The following FZD6 variants were observed in gnomAD, a reference collection of about 807,000 sequenced individuals.
FZD6 encodes the protein frizzled class receptor 6, also known as frizzled-6.
Under a neutral mutation model 61.4 loss-of-function variants are expected in FZD6, and 49 were observed. The ratio of observed to expected loss-of-function variants is 0.80; its 90% CI spans 0.63 to 1.01. The LOEUF is 1.01. Ranked by LOEUF, FZD6 falls within the 50% of genes least tolerant of loss-of-function variation. The pLI, the probability that FZD6 is intolerant of heterozygous loss-of-function variation, is 0.00. For synonymous variants in FZD6, 265 were observed against 292.2 expected (o/e 0.91, Z 0.95); for missense variants, 724 against 848.2 (o/e 0.85, Z 1.82).
chr8:103,308,534 C>T (rs995304715), intron 2 of FZD6, among the ~76,000 whole-genome samples: 4 of 152,172 alleles, frequency 2.6e-5, no homozygotes, highest in African/African-American at 9.7e-5. Flanking sequence ...TAGTAGCTCA[C>T]TTACAATAGC....
chr8:103,300,202 G>T lies in FZD6; in HGVS notation c.95G>T (p.Cys32Phe), dbSNP rs752048729. The T allele has an allele frequency of 1.2e-6, 2 of 1,605,972 alleles. No homozygotes were observed. The highest frequency in any genetic ancestry group is 3.3e-5 in the Admixed American group (2 of 60,002). ...TGTGAACCAATTACTGTTCCCAGAT[G>T]TATGAAAATGGCCTACAACATGACG... ...FTCEPITVPR[C>F]MKMAYNMTFF... The change falls in exon 2 of 7, where the codon TGT becomes TTT. Residue 32 changes from cysteine (C) to phenylalanine (F), a missense_variant. Coordinates refer to ENST00000358755, the MANE Select transcript of FZD6 (RefSeq NM_003506.4).
At chr8:103,299,745 A>G (rs1010652624) in intron 1 of FZD6, among the ~76,000 whole-genome samples, 1 of 152,078 alleles carries the variant, frequency 6.6e-6, no homozygotes, top group Admixed American at 6.5e-5. Flanking sequence ...TACAGCACCA[A>G]CCTCCTAGCA....
At chr8:103,315,282 T>C (rs1814598226) in intron 2 of FZD6, among the ~76,000 whole-genome samples, 1 of 148,506 alleles carries the variant, frequency 6.7e-6, no homozygotes. Context: ...ATATCCTTAA[T>C]TTAAAGTCTC....
chr8:103,303,994 T>C (rs1814255620), intron 2 of FZD6, among the ~76,000 whole-genome samples: 1 of 152,198 alleles, frequency 6.6e-6, no homozygotes, highest in Non-Finnish European at 1.5e-5. Flanking sequence ...AAATTATAGC[T>C]GCTTGTAACT....
Position 103,300,150 on chromosome 8 carries a change from C to G in FZD6, c.43C>G (p.Leu15Val). 6.2e-7 allele frequency: 1 copy of G among 1,604,516 alleles called. No homozygotes were observed. Among genetic ancestry groups the G allele is most frequent in the Non-Finnish European group, 8.5e-7 (1 of 1,171,270 alleles). ...TTTGTTGACGTGTATTTTTCTACCC[C>G]TCCTAAGAGGGCACAGTCTCTTCAC... is the stretch of plus-strand genomic sequence containing the variant. ...TFLLTCIFLP[L>V]LRGHSLFTCE... Residue 15 changes from leucine to valine, a missense_variant, in exon 2 of 7, where the codon CTC becomes GTC. Physicochemically the swap from Leu to Val is conservative, Grantham distance 32. Transcript: ENST00000358755.
At position 103,300,082 on chromosome 8, in the gene FZD6, G is replaced by A. The variant is rs376581731; in HGVS notation, c.-26G>A. 4.6e-5 allele frequency: 65 copies of A among 1,407,660 alleles called. No homozygotes were observed. In the African/African-American group the frequency reaches 7.1e-4, roughly 15 times the overall value. 87.2% of individuals were successfully genotyped at this position (1,407,660 alleles called of 1,614,324 possible). A position where few individuals can be genotyped will look rare whatever the true frequency, so the allele number is the denominator to read the frequency against. ...GCAAAGAGTGATTCATCCAAGCCAT[G>A]TGGTAAAATCAGGAATTTGAAGAAA... On this transcript the variant is annotated 5_prime_UTR_variant, in exon 2 of 7. In the 5' UTR this introduces an upstream ATG that the reference lacks. Coordinates refer to ENST00000358755, the MANE Select transcript of FZD6 (RefSeq NM_003506.4).
Position 103,331,475 on chromosome 8 carries a change from A to C in FZD6, c.2087A>C (p.Lys696Thr). ...LLVHPVSGVR[K>T]EQGGGCHSDT ...GTTCACCCGGTTTCAGGAGTGAGAAAAGAGCAGGGAGGTGGTTGTCATTCA... is the reference window on the plus strand; with the variant it reads ...GTTCACCCGGTTTCAGGAGTGAGAACAGAGCAGGGAGGTGGTTGTCATTCA... Residue 696 changes from lysine (K) to threonine (T), a missense_variant, in exon 7 of 7, where the codon AAA becomes ACA. Transcript: ENST00000358755. The C allele has an allele frequency of 6.2e-7, 1 of 1,612,724 alleles. No homozygotes were observed. Among genetic ancestry groups the C allele is most frequent in the Non-Finnish European group, 8.5e-7 (1 of 1,178,718 alleles).
chr8:103,308,797 A>G (rs1814414462), intron 2 of FZD6, among the ~76,000 whole-genome samples: 1 of 152,186 alleles, frequency 6.6e-6, no homozygotes, highest in East Asian at 1.9e-4. Context: ...CATGAGAGGT[A>G]ACTTGACCTG....
chr8:103,312,452 C>A (rs1176536234), intron 2 of FZD6, among the ~76,000 whole-genome samples: 2 of 152,184 alleles, frequency 1.3e-5, no homozygotes. Flanking sequence ...TTGATATTTG[C>A]TCAATTCATA....
chr8:103,325,200 A>G lies in FZD6; in HGVS notation c.1094A>G (p.Asp365Gly), dbSNP rs1814913203. ...TGCTTTGTTGGCCTTTATGACCTGGATGCTTCTCGCTACTTTGTACTCTTG... is the reference window on the plus strand; with the variant it reads ...TGCTTTGTTGGCCTTTATGACCTGGGTGCTTCTCGCTACTTTGTACTCTTG... ...GVCFVGLYDL[D>G]ASRYFVLLPL... The change falls in exon 4 of 7, where the codon GAT becomes GGT. Residue 365 changes from aspartate (D) to glycine (G), a missense_variant. Physicochemically the swap from Asp to Gly is moderately conservative, Grantham distance 94. Transcript: ENST00000358755. 2 of 1,614,100 alleles carry G rather than the reference A, an allele frequency of 1.2e-6. No individual in the cohort carries two copies. Among genetic ancestry groups the G allele is most frequent in the Non-Finnish European group, 1.7e-6 (2 of 1,180,020 alleles).
In FZD6 at chr8:103,329,515, G is replaced by T; in HGVS notation, c.1542-140G>T. On this transcript the variant is annotated intron_variant, in intron 5 of 6. Coordinates refer to ENST00000358755, the MANE Select transcript of FZD6 (RefSeq NM_003506.4). Reference sequence around the variant, plus strand: ...TTATGTCCTAGTATTTATAATCCCAGATTTTATAATATAAACCATAGAATT... The same window carrying T: ...TTATGTCCTAGTATTTATAATCCCATATTTTATAATATAAACCATAGAATT... 1.3e-5 allele frequency: 8 copies of T among 613,280 alleles called. No individual in the cohort carries two copies. In the South Asian group the frequency reaches 1.7e-4, roughly 13 times the overall value. The allele number at this position is 613,280 out of a possible 1,614,324, so 38.0% of individuals were successfully genotyped here. A position where few individuals can be genotyped will look rare whatever the true frequency, so the allele number is the denominator to read the frequency against.
intron 2 of FZD6, among the ~76,000 whole-genome samples, chr8:103,317,686 C>T (rs1044849760): frequency 1.3e-5 from 2 of 151,994 alleles, no homozygotes; most frequent in East Asian, 3.9e-4. Context: ...ATTAGCCGGG[C>T]GTAGTGGCAT....
At chr8:103,317,593 T>G (rs1814662283) in intron 2 of FZD6, among the ~76,000 whole-genome samples, 1 of 150,762 alleles carries the variant, frequency 6.6e-6, no homozygotes, top group Non-Finnish European at 1.5e-5. Flanking sequence ...GGAGATGGAG[T>G]GAAAGAAGAG....
chr8:103,299,199 GC>G lies in FZD6; in HGVS notation c.-153+206del, dbSNP rs560063836. Among the ~76,000 whole-genome samples, 1,002 of 152,332 alleles carry G rather than the reference GC, an allele frequency of 6.6e-3. 3 individuals carry two copies. Among genetic ancestry groups the G allele is most frequent in the Non-Finnish European group, 9.6e-3 (652 of 68,020 alleles). ...AAAGGCGATGCCGGGGCCCCGCGGC[GC>G]CGCGCAGGCCAGGAACGCTGCTGTC... On this transcript the variant is annotated intron_variant, in intron 1 of 6. Transcript: ENST00000358755.
rs1345282590 is a variant in FZD6, at chr8:103,331,760, T to A, written c.*251T>A. ...TTTTAATAGTGTGGGAGGACAGAGT[T>A]AGAGGAATCTTCCTTTTCTATTTAT... On this transcript the variant is annotated 3_prime_UTR_variant, in exon 7 of 7. Transcript: ENST00000358755. 7.2e-6 allele frequency: 3 copies of A among 414,568 alleles called. No individual in the cohort carries two copies. The highest frequency in any genetic ancestry group is 2.0e-5 in the African/African-American group (1 of 49,432). 25.7% of individuals were successfully genotyped at this position (414,568 alleles called of 1,614,324 possible).
chr8:103,327,074 T>G (rs1814972341), intron 4 of FZD6, among the ~76,000 whole-genome samples: 1 of 152,264 alleles, frequency 6.6e-6, no homozygotes, highest in African/African-American at 2.4e-5. Flanking sequence ...CAACCTTCTG[T>G]TGAAGCAATT....
intron 5 of FZD6, 135 bp from the exon 6 acceptor site, chr8:103,329,520 T>C (rs779331128): frequency 1.5e-4 from 92 of 619,870 alleles, no homozygotes; most frequent in Non-Finnish European, 2.3e-4. Context: ...TCCCAGATTT[T>C]ATAATATAAA....
At chr8:103,305,635 A>G (rs770877116) in intron 2 of FZD6, among the ~76,000 whole-genome samples, 3 of 152,254 alleles carry the variant, frequency 2.0e-5, no homozygotes, top group Non-Finnish European at 4.4e-5. Context: ...TCTGAAAGTA[A>G]GACATTAATC....
At chr8:103,312,409 G>A (rs2130293634) in intron 2 of FZD6, among the ~76,000 whole-genome samples, 1 of 152,288 alleles carries the variant, frequency 6.6e-6, no homozygotes, top group African/African-American at 2.4e-5. Context: ...GTCACTAAAG[G>A]TGAGTAAAAG....
Sources: allele counts gnomAD v4.1 joint callset (sites outside exome capture counted in the v4.1 genomes callset), GRCh38; gene constraint gnomAD v4.1.1; transcripts MANE v1.5; gene names NCBI Gene and HGNC (gene_info 2026-07-23, HGNC 2026-07-21).